The following PBX1 variants were observed in gnomAD, a reference collection of about 807,000 sequenced individuals.
PBX1 encodes pre-B-cell leukemia transcription factor 1.
Under a neutral mutation model 53.4 loss-of-function variants are expected in PBX1, and 6 were observed. The ratio of observed to expected loss-of-function variants is 0.11; its 90% CI spans 0.06 to 0.22. The LOEUF (loss-of-function observed/expected upper bound fraction) is 0.22, where lower values mean the gene tolerates loss of function less well. Ranked by LOEUF, PBX1 falls within the 10% of genes least tolerant of loss-of-function variation. PBX1 has a pLI of 1.00. For missense variants in PBX1, 251 were observed against 551.4 expected, an observed-to-expected ratio of 0.46 and a Z score of 5.46; for synonymous variants, 204 against 212.3, an observed-to-expected ratio of 0.96 and a Z score of 0.34.
At chr1:164,592,798 A>G (rs1655484948) in intron 2 of PBX1, among the ~76,000 whole-genome samples, 1 of 152,058 alleles carries the variant, frequency 6.6e-6, no homozygotes, top group African/African-American at 2.4e-5. Context: ...TGGACACACC[A>G]GGCTCCCACG....
intron 2 of PBX1, among the ~76,000 whole-genome samples, chr1:164,625,506 C>T (rs542455407): frequency 6.6e-6 from 1 of 152,176 alleles, no homozygotes; most frequent in South Asian, 2.1e-4. Context: ...TGTATGAACC[C>T]AGGATTCTGT....
chr1:164,565,001 A>G (rs1653329999), intron 2 of PBX1, among the ~76,000 whole-genome samples: 1 of 152,142 alleles, frequency 6.6e-6, no homozygotes, highest in African/African-American at 2.4e-5. Flanking sequence ...TGGACTAAAG[A>G]GAGTCTATTT....
intron 2 of PBX1, among the ~76,000 whole-genome samples, chr1:164,747,371 C>CAAATATGTAATT (rs1665952875): frequency 6.6e-6 from 1 of 151,130 alleles, no homozygotes; most frequent in Non-Finnish European, 1.5e-5. Flanking sequence ...ATTTTATATA[C>CAAATATGTAATT]ATACATATTT....
chr1:164,622,899 C>G (rs887673449), intron 2 of PBX1, among the ~76,000 whole-genome samples: 2 of 147,806 alleles, frequency 1.4e-5, no homozygotes, highest in Non-Finnish European at 3.0e-5. Flanking sequence ...ACTGCAACCT[C>G]TGCCTCCCAG....
At chr1:164,837,072 A>G (rs561065090) in intron 8 of PBX1, among the ~76,000 whole-genome samples, 3 of 152,254 alleles carry the variant, frequency 2.0e-5, no homozygotes. Flanking sequence ...TGGTCAGAAA[A>G]GTGTAAGGGG....
At chr1:164,569,601 T>C (rs898277501) in intron 2 of PBX1, among the ~76,000 whole-genome samples, 14 of 127,464 alleles carry the variant, frequency 1.1e-4, no homozygotes, top group African/African-American at 4.2e-4. Context: ...GTCAAGAGTC[T>C]CACTCTATCT....
At chr1:164,727,088 C>T (rs1335149763) in intron 2 of PBX1, among the ~76,000 whole-genome samples, 2 of 151,704 alleles carry the variant, frequency 1.3e-5, no homozygotes, top group Non-Finnish European at 2.9e-5. Flanking sequence ...CAAGCTTTGT[C>T]TTTTATTAAG....
At chr1:164,702,882 C>G (rs546220146) in intron 2 of PBX1, 1 of 152,268 alleles carries the variant, frequency 6.6e-6, no homozygotes, top group Admixed American at 6.5e-5. Flanking sequence ...ATCTTACTCT[C>G]ATGGTCTTTT....
At chr1:164,641,255 G>A (rs188861362) in intron 2 of PBX1, 135 of 153,050 alleles carry the variant, frequency 8.8e-4, no homozygotes, top group African/African-American at 3.0e-3. Context: ...GGAGAGAGAA[G>A]AGAAGGGGAG....
At chr1:164,634,828 C>T (rs1425915220) in intron 2 of PBX1, among the ~76,000 whole-genome samples, 1 of 152,068 alleles carries the variant, frequency 6.6e-6, no homozygotes, top group Non-Finnish European at 1.5e-5. Flanking sequence ...TGGAAAGACC[C>T]CAAATTTTGA....
chr1:164,621,994 T>A (rs939650339), intron 2 of PBX1, among the ~76,000 whole-genome samples: 12 of 152,176 alleles, frequency 7.9e-5, no homozygotes, highest in Admixed American at 5.2e-4. Context: ...TTTTGATGTG[T>A]CAAGTCAGGT....
At chr1:164,618,695 G>A (rs554254232) in intron 2 of PBX1, among the ~76,000 whole-genome samples, 32 of 152,216 alleles carry the variant, frequency 2.1e-4, no homozygotes, top group African/African-American at 7.0e-4. Context: ...TCATTATAAC[G>A]AAATAAACAC....
intron 3 of PBX1, among the ~76,000 whole-genome samples, chr1:164,793,815 GT>G (rs1668642226): frequency 8.8e-6 from 1 of 114,262 alleles, no homozygotes; most frequent in Non-Finnish European, 1.9e-5. Flanking sequence ...CTTTTTTTTC[GT>G]TTCTTCTTTT....
At chr1:164,884,915 CT>C (rs1230614268) in intron 2 of PBX1, among the ~76,000 whole-genome samples, 2 of 152,220 alleles carry the variant, frequency 1.3e-5, no homozygotes, top group Middle Eastern at 3.4e-3. Flanking sequence ...CCTCTAAATT[CT>C]CAAAATATTA....
intron 2 of PBX1, among the ~76,000 whole-genome samples, chr1:164,775,266 T>C (rs1225719861): frequency 2.0e-5 from 3 of 152,160 alleles, no homozygotes; most frequent in Admixed American, 6.5e-5. Context: ...TCAAAGATCA[T>C]AGAGTGAAAG....
At chr1:164,622,764 T>TCA (rs139737020) in intron 2 of PBX1, among the ~76,000 whole-genome samples, 2,719 of 149,338 alleles carry the variant, frequency 0.018, 86 homozygotes, top group African/African-American at 0.06. Flanking sequence ...TGGTGTGTGC[T>TCA]CACACACACA....
intron 8 of PBX1, among the ~76,000 whole-genome samples, chr1:164,832,531 G>A (rs1012907599): frequency 2.6e-5 from 4 of 152,054 alleles, no homozygotes; most frequent in Non-Finnish European, 4.4e-5. Flanking sequence ...ATAACAGAAG[G>A]CAAGACTGTT....
At chr1:164,843,399 C>T (rs1031051436) in intron 8 of PBX1, among the ~76,000 whole-genome samples, 1 of 152,042 alleles carries the variant, frequency 6.6e-6, no homozygotes, top group African/African-American at 2.4e-5. Context: ...ATAGGGTGGC[C>T]AAAAGTCTCA....
intron 2 of PBX1, among the ~76,000 whole-genome samples, chr1:164,616,375 G>A (rs560919271): frequency 3.3e-5 from 5 of 152,180 alleles, no homozygotes; most frequent in South Asian, 2.1e-4. Context: ...GGGAAGCTCC[G>A]TTTACTGATC....
Sources: allele counts gnomAD v4.1 joint callset (sites outside exome capture counted in the v4.1 genomes callset), GRCh38; gene constraint gnomAD v4.1.1; transcripts MANE v1.5; gene names NCBI Gene and HGNC (gene_info 2026-07-23, HGNC 2026-07-21).